Variants in DST observed in about 807,000 individuals in gnomAD.
The protein encoded by DST is dystonin.
A neutral mutation model predicts 875.2 loss-of-function variants in DST; 253 were observed. The ratio of observed to expected loss-of-function variants is 0.29; its 90% CI spans 0.26 to 0.32. The LOEUF (loss-of-function observed/expected upper bound fraction) is 0.32, where lower values mean the gene tolerates loss of function less well. DST is among the 10% of genes least tolerant of loss of function. The pLI, the probability that DST is intolerant of heterozygous loss-of-function variation, is 1.00. For missense variants in DST, 8,287 were observed against 9,111.6 expected (o/e 0.91, Z 3.68); for synonymous variants, 3,124 against 3,197.1 (o/e 0.98, Z 0.77).
intron 4 of DST, among the ~76,000 whole-genome samples, chr6:56,849,563 C>T (rs757746952): frequency 2.6e-5 from 4 of 152,214 alleles, no homozygotes; most frequent in Non-Finnish European, 4.4e-5. Context: ...AATGACTCCA[C>T]AGTCTACTAA....
chr6:56,910,455 C>A (rs1425427676), intron 2 of DST, among the ~76,000 whole-genome samples: 1 of 152,012 alleles, frequency 6.6e-6, no homozygotes, highest in Non-Finnish European at 1.5e-5. Flanking sequence ...CTGTGCCTAG[C>A]TGAATTGTAC....
chr6:56,470,651 A>G (rs2094839999), intron 95 of DST, among the ~76,000 whole-genome samples: 1 of 152,106 alleles, frequency 6.6e-6, no homozygotes, highest in South Asian at 2.1e-4. Flanking sequence ...ATCAAACAAA[A>G]AGGTGATAAG....
chr6:56,843,401 C>G, intron 4 of DST: 1 of 1,112,394 alleles, frequency 9.0e-7, no homozygotes, highest in Non-Finnish European at 1.1e-6. Context: ...GAGTCCCTCT[C>G]GGGTTTCAGC....
chr6:56,789,956 G>A (rs1464718320), intron 4 of DST, among the ~76,000 whole-genome samples: 1 of 152,158 alleles, frequency 6.6e-6, no homozygotes, highest in African/African-American at 2.4e-5. Flanking sequence ...ACTCTTCCTA[G>A]CTTGACCTCA....
Position 56,616,816 on chromosome 6 carries a change from T to C in DST, c.4930-2332A>G, listed in dbSNP as rs750083417. 7 of 1,614,168 alleles carry C rather than the reference T, an allele frequency of 4.3e-6. No individual in the cohort carries two copies. The highest frequency in any genetic ancestry group is 1.7e-5 in the Admixed American group (1 of 60,022). ...ACAATGTCTTAGAAGAATAAGAATA[T>C]CCCACAGCTGCCTTCTCTGCCTCAA... is the stretch of plus-strand genomic sequence containing the variant. On this transcript the variant is annotated intron_variant, in intron 36 of 103. Coordinates refer to ENST00000680361, the MANE Select transcript of DST (RefSeq NM_001374736.1).
intron 77 of DST, among the ~76,000 whole-genome samples, chr6:56,505,481 G>GAAA (rs71549712): frequency 2.9e-5 from 4 of 139,718 alleles, no homozygotes; most frequent in Admixed American, 7.2e-5. Flanking sequence ...GGTTACAAAA[G>GAAA]AAAAAAAAAA....
chr6:56,808,110 G>T (rs2099755336), intron 4 of DST, among the ~76,000 whole-genome samples: 1 of 152,074 alleles, frequency 6.6e-6, no homozygotes, highest in East Asian at 1.9e-4. Flanking sequence ...ACCTAGAAAG[G>T]GTGAGTCTCC....
At position 56,631,358 on chromosome 6, in the gene DST, T is replaced by A. The variant is rs773452989; in HGVS notation, c.3995A>T (p.Asp1332Val). The A allele has an allele frequency of 1.2e-6, 2 of 1,614,002 alleles. No individual in the cohort carries two copies. Among genetic ancestry groups the A allele is most frequent in the Non-Finnish European group, 1.7e-6 (2 of 1,179,948 alleles). ...KLKKELERLKDDLGTITNKCE... is the reference protein window; with the variant it reads ...KLKKELERLKVDLGTITNKCE... ...CTTATTTGTGATTGTTCCCAAATCA[T>A]CTTTAAGTCGTTCCAGCTCTTTCTT... The change falls in exon 30 of 104, where the codon GAT becomes GTT. Residue 1332 changes from aspartate (D) to valine (V), a missense_variant. By Grantham distance (152) the Asp-to-Val change is radical. Transcript: ENST00000680361.
chr6:56,502,543 G>T (rs1332401306), intron 78 of DST, among the ~76,000 whole-genome samples: 1 of 151,990 alleles, frequency 6.6e-6, no homozygotes, highest in Non-Finnish European at 1.5e-5. Flanking sequence ...GACCACTGAG[G>T]CCATATGCCC....
intron 4 of DST, among the ~76,000 whole-genome samples, chr6:56,802,997 A>G (rs1012813979): frequency 6.6e-6 from 1 of 152,146 alleles, no homozygotes; most frequent in African/African-American, 2.4e-5. Context: ...AATCCAAAAT[A>G]CTGTAGCTGA....
At chr6:56,576,643 T>G (rs2097867538) in intron 50 of DST, among the ~76,000 whole-genome samples, 1 of 151,954 alleles carries the variant, frequency 6.6e-6, no homozygotes, top group African/African-American at 2.4e-5. Flanking sequence ...TGTATGAGAG[T>G]GAGTAGCAAA....
chr6:56,725,604 T>A (rs2099450903), intron 5 of DST, among the ~76,000 whole-genome samples: 1 of 152,142 alleles, frequency 6.6e-6, no homozygotes, highest in African/African-American at 2.4e-5. Context: ...AGTTTGAAAT[T>A]TAAATCTATT....
At chr6:56,465,657 C>T (rs913589540) in intron 99 of DST, among the ~76,000 whole-genome samples, 2 of 151,984 alleles carry the variant, frequency 1.3e-5, no homozygotes, top group African/African-American at 4.8e-5. Flanking sequence ...ACCTGCTCTT[C>T]ATTTCATAAA....
intron 2 of DST, among the ~76,000 whole-genome samples, chr6:56,923,396 T>C (rs1805253685): frequency 2.3e-5 from 3 of 132,728 alleles, no homozygotes; most frequent in South Asian, 4.4e-4. Context: ...AAGTACTTAT[T>C]TGGGAATTTT....
chr6:56,635,362 C>T (rs2098814897), intron 24 of DST, among the ~76,000 whole-genome samples: 1 of 150,126 alleles, frequency 6.7e-6, no homozygotes, highest in Non-Finnish European at 1.5e-5. Flanking sequence ...CGTGCACACA[C>T]ACACACACGA....
intron 36 of DST, chr6:56,618,616 C>A: frequency 6.2e-7 from 1 of 1,614,150 alleles, no homozygotes; most frequent in South Asian, 1.1e-5. Context: ...ACTGTTGAAG[C>A]TGTCTTTCAA....
At chr6:56,636,790 T>C in intron 22 of DST, 138 bp from the exon 23 acceptor site, 1 of 776,258 alleles carries the variant, frequency 1.3e-6, no homozygotes, top group South Asian at 1.4e-5. Flanking sequence ...GACTTGGAAA[T>C]TAGGGCAGTG....
At chr6:56,801,176 T>C (rs1215890898) in intron 4 of DST, among the ~76,000 whole-genome samples, 1 of 152,222 alleles carries the variant, frequency 6.6e-6, no homozygotes, top group Non-Finnish European at 1.5e-5. Context: ...AGATTTTATA[T>C]GGATTTCATC....
intron 36 of DST, among the ~76,000 whole-genome samples, chr6:56,623,219 C>T (rs186359033): frequency 2.4e-4 from 37 of 152,162 alleles, no homozygotes; most frequent in African/African-American, 8.9e-4. Flanking sequence ...AGCATTCTGC[C>T]TCATCAGATA....
Sources: gnomAD v4.1 joint callset for allele counts (sites outside exome capture counted in the v4.1 genomes callset) on GRCh38, gnomAD v4.1.1 for gene constraint, MANE v1.5 for transcripts, NCBI Gene and HGNC (gene_info 2026-07-23, HGNC 2026-07-21) for gene names.